Variants in N4BP2L2 observed in about 807,000 individuals in gnomAD.
N4BP2L2 encodes NEDD4 binding protein 2 like 2.
N4BP2L2 carries 50 observed loss-of-function variants against 56.2 expected under a neutral mutation model. The ratio of observed to expected loss-of-function variants is 0.89; its 90% CI spans 0.71 to 1.13. The LOEUF (loss-of-function observed/expected upper bound fraction) is 1.13. Ranked by LOEUF, N4BP2L2 falls within the 50% of genes most tolerant of loss-of-function variation. N4BP2L2 has a pLI of 0.00. For missense variants in N4BP2L2, 689 were observed against 693.8 expected (o/e 0.99, Z 0.08); for synonymous variants, 203 against 223.6 (o/e 0.91, Z 0.82).
At chr13:32,440,758 C>T (rs1386226093) in intron 7 of N4BP2L2, among the ~76,000 whole-genome samples, 1 of 151,896 alleles carries the variant, frequency 6.6e-6, no homozygotes, top group Non-Finnish European at 1.5e-5. Context: ...CCACTGTGGC[C>T]GGCCCAAAAA....
At chr13:32,443,193 A>G (rs1006192999) in exon 7 of N4BP2L2, 1 of 1,613,758 alleles carries the variant, frequency 6.2e-7, no homozygotes, top group Non-Finnish European at 8.5e-7. Flanking sequence ...GAGGTGAAAA[A>G]TCTTCATTTC....
intron 6 of N4BP2L2, among the ~76,000 whole-genome samples, chr13:32,447,853 T>C (rs182548565): frequency 6.6e-6 from 1 of 152,094 alleles, no homozygotes; most frequent in Non-Finnish European, 1.5e-5. Context: ...CTGCTAATGC[T>C]AACAACCCAC....
intron 6 of N4BP2L2, among the ~76,000 whole-genome samples, chr13:32,494,570 T>G (rs1000339554): frequency 2.0e-5 from 3 of 151,930 alleles, no homozygotes; most frequent in African/African-American, 7.3e-5. Flanking sequence ...GAGACCATCC[T>G]GGCTAACACG....
chr13:32,459,158 A>G (rs770015564), intron 6 of N4BP2L2, among the ~76,000 whole-genome samples: 20 of 152,190 alleles, frequency 1.3e-4, no homozygotes, highest in Non-Finnish European at 2.5e-4. Context: ...AGGGAATTTT[A>G]TAGCAATAAA....
At chr13:32,490,185 G>A (rs913907698) in intron 6 of N4BP2L2, 2 of 151,980 alleles carry the variant, frequency 1.3e-5, no homozygotes, top group African/African-American at 4.8e-5. Context: ...GTCATCTTCG[G>A]CTTGTGAAGT....
intron 3 of N4BP2L2, chr13:32,527,099 CTCA>C (rs756072824): frequency 7.2e-5 from 14 of 194,214 alleles, no homozygotes; most frequent in Non-Finnish European, 1.1e-4. Flanking sequence ...TCTGAATTTA[CTCA>C]TCAAGTATAA....
intron 6 of N4BP2L2, chr13:32,477,139 C>T: frequency 1.7e-6 from 1 of 600,320 alleles, no homozygotes. Flanking sequence ...ACTCTTGCCA[C>T]TATCATACAC....
chr13:32,521,634 T>G, intron 4 of N4BP2L2, 185 bp from the exon 5 acceptor site: 2 of 500,276 alleles, frequency 4.0e-6, no homozygotes, highest in Non-Finnish European at 7.1e-6. Flanking sequence ...TTGATTACTA[T>G]TCTCAAGGAA....
intron 6 of N4BP2L2, among the ~76,000 whole-genome samples, chr13:32,456,580 C>G (rs557709956): frequency 6.6e-6 from 1 of 152,104 alleles, no homozygotes; most frequent in African/African-American, 2.4e-5. Flanking sequence ...TAATGATAAT[C>G]AAAGTAGCTC....
chr13:32,530,889 TAAA>T (rs3075024), intron 2 of N4BP2L2, among the ~76,000 whole-genome samples: 4 of 130,372 alleles, frequency 3.1e-5, no homozygotes, highest in African/African-American at 8.5e-5. Flanking sequence ...CGGAGATTAC[TAAA>T]AAAAAAAAAA....
At chr13:32,463,918 C>CAAAAAAAAAAAAAAAA (rs58685358) in intron 6 of N4BP2L2, among the ~76,000 whole-genome samples, 1 of 64,160 alleles carries the variant, frequency 1.6e-5, no homozygotes, top group African/African-American at 6.1e-5. Flanking sequence ...TGCCCATGAC[C>CAAAAAAAAAAAAAAAA]AAAAAAAAAA....
chr13:32,488,935 T>C (rs1207421808), intron 6 of N4BP2L2, among the ~76,000 whole-genome samples: 1 of 152,194 alleles, frequency 6.6e-6, no homozygotes, highest in Non-Finnish European at 1.5e-5. Context: ...CATAAACTCA[T>C]GGTGGCACAC....
chr13:32,500,959 C>G (rs2089900949), intron 6 of N4BP2L2, among the ~76,000 whole-genome samples: 1 of 150,680 alleles, frequency 6.6e-6, no homozygotes, highest in African/African-American at 2.4e-5. Context: ...ACCTCCAACT[C>G]CTGGGTGCTA....
At position 32,527,501 on chromosome 13, in the gene N4BP2L2, CA is replaced by C; in HGVS notation, c.1290del (p.Ile430MetfsTer45). The C allele has an allele frequency of 6.2e-7, 1 of 1,613,174 alleles. No homozygotes were observed. The highest frequency in any genetic ancestry group is 8.5e-7 in the Non-Finnish European group (1 of 1,179,898). ...TGAAAATAGTCATCAGTGCTGAACA[CA>C]ATGCCATCACGATTCTGACCAAGCA... On this transcript the variant is annotated frameshift_variant, in exon 3 of 6. Coordinates refer to ENST00000267068, the Ensembl canonical transcript of N4BP2L2. LOFTEE classifies it high-confidence loss of function.
chr13:32,480,723 G>C, intron 6 of N4BP2L2: 1 of 727,816 alleles, frequency 1.4e-6, no homozygotes, highest in Non-Finnish European at 2.0e-6. Flanking sequence ...CCACAACTGT[G>C]CTACTACTAT....
At chr13:32,532,529 T>C (rs2055127954) in intron 2 of N4BP2L2, among the ~76,000 whole-genome samples, 1 of 152,020 alleles carries the variant, frequency 6.6e-6, no homozygotes, top group African/African-American at 2.4e-5. Context: ...AAAATGTCAT[T>C]TCATCAAATA....
intron 6 of N4BP2L2, among the ~76,000 whole-genome samples, chr13:32,503,821 G>A (rs1461849024): frequency 6.6e-6 from 1 of 152,154 alleles, no homozygotes; most frequent in African/African-American, 2.4e-5. Context: ...CGAGGCAGGA[G>A]GATCACTTGA....
At chr13:32,462,515 A>T (rs549963845) in intron 6 of N4BP2L2, among the ~76,000 whole-genome samples, 1 of 152,136 alleles carries the variant, frequency 6.6e-6, no homozygotes, top group African/African-American at 2.4e-5. Context: ...ACATACTGTT[A>T]TAGATAGGAG....
intron 6 of N4BP2L2, among the ~76,000 whole-genome samples, chr13:32,497,590 T>C (rs1263557368): frequency 6.6e-6 from 1 of 152,148 alleles, no homozygotes; most frequent in East Asian, 1.9e-4. Context: ...AAACATAAGC[T>C]ACACCTGACC....
Sources: gnomAD v4.1 joint callset for allele counts (sites outside exome capture counted in the v4.1 genomes callset) on GRCh38, gnomAD v4.1.1 for gene constraint, MANE v1.5 for transcripts, NCBI Gene and HGNC (gene_info 2026-07-23, HGNC 2026-07-21) for gene names.